The following ACVR1 variants were observed in gnomAD, a reference collection of about 807,000 sequenced individuals.
ACVR1 encodes activin A receptor type 1.
In ACVR1, 38 loss-of-function variants were observed where a neutral mutation model predicts 57.1. That is an observed-to-expected ratio of 0.67 (90% CI 0.51 to 0.87). The LOEUF (loss-of-function observed/expected upper bound fraction) is 0.87. ACVR1 is among the 40% of genes least tolerant of loss of function. The pLI is 0.00. For missense variants in ACVR1, 463 were observed against 638.2 expected (o/e 0.73, Z 2.96); for synonymous variants, 212 against 228.1 (o/e 0.93, Z 0.63).
chr2:157,865,845 T>C (rs1299982656), intron 1 of ACVR1, among the ~76,000 whole-genome samples: 12 of 149,136 alleles, frequency 8.0e-5, no homozygotes, highest in African/African-American at 3.0e-4. Context: ...GATAGATAGA[T>C]AGATAGATAG....
chr2:157,737,529 T>C lies in ACVR1; in HGVS notation c.*2A>G. 1.9e-6 allele frequency: 3 copies of C among 1,613,998 alleles called. No individual in the cohort carries two copies. The highest frequency in any genetic ancestry group is 2.5e-6 in the Non-Finnish European group (3 of 1,179,962). ...ATCTTCCTTCTTGACACTATGAAAA[T>C]GTCAACAGTCAGTTTTCAATTTGTC... On this transcript the variant is annotated 3_prime_UTR_variant, in exon 11 of 11. Transcript: ENST00000434821.
intron 2 of ACVR1, among the ~76,000 whole-genome samples, chr2:157,814,035 G>A (rs1687848344): frequency 1.3e-5 from 2 of 152,238 alleles, no homozygotes; most frequent in Non-Finnish European, 2.9e-5. Context: ...TGTGGAGCAA[G>A]AATTAGGGTC....
At chr2:157,805,426 C>T (rs2105313161) in intron 2 of ACVR1, among the ~76,000 whole-genome samples, 1 of 152,308 alleles carries the variant, frequency 6.6e-6, no homozygotes, top group Non-Finnish European at 1.5e-5. Context: ...ACATCATCCA[C>T]GTGAAGACAC....
At chr2:157,819,003 G>A (rs1359302094) in intron 1 of ACVR1, among the ~76,000 whole-genome samples, 6 of 140,502 alleles carry the variant, frequency 4.3e-5, no homozygotes, top group East Asian at 2.2e-4. Flanking sequence ...GCGTGAACCC[G>A]GGAGGTGGAG....
At chr2:157,873,472 A>ATTCCTAC (rs1350685728) in intron 1 of ACVR1, among the ~76,000 whole-genome samples, 5 of 152,222 alleles carry the variant, frequency 3.3e-5, no homozygotes, top group South Asian at 2.1e-4. Flanking sequence ...CTTCTCCAGA[A>ATTCCTAC]TTCCTACTGA....
intron 2 of ACVR1, among the ~76,000 whole-genome samples, chr2:157,814,287 A>C (rs1477371188): frequency 1.3e-5 from 2 of 152,256 alleles, no homozygotes; most frequent in East Asian, 3.8e-4. Flanking sequence ...TTGATAATAA[A>C]AATCATAACC....
chr2:157,826,945 C>T (rs946459416), intron 1 of ACVR1, among the ~76,000 whole-genome samples: 15 of 147,052 alleles, frequency 1.0e-4, no homozygotes, highest in South Asian at 2.2e-4. Context: ...AAGAGAGAAA[C>T]AGAGAGAAAG....
chr2:157,840,498 T>G (rs1475965375), intron 1 of ACVR1, among the ~76,000 whole-genome samples: 1 of 152,196 alleles, frequency 6.6e-6, no homozygotes, highest in Non-Finnish European at 1.5e-5. Flanking sequence ...CTAGTCCATA[T>G]ACCTTAATGT....
At chr2:157,845,148 A>T (rs1689091493) in intron 1 of ACVR1, among the ~76,000 whole-genome samples, 1 of 152,234 alleles carries the variant, frequency 6.6e-6, no homozygotes, top group South Asian at 2.1e-4. Flanking sequence ...CATGCCAGTC[A>T]TGTCAAGAGG....
chr2:157,808,734 A>G (rs1287095460), intron 2 of ACVR1, among the ~76,000 whole-genome samples: 1 of 152,184 alleles, frequency 6.6e-6, no homozygotes, highest in Non-Finnish European at 1.5e-5. Context: ...GAAGGCTTCT[A>G]ACATTTATTG....
chr2:157,866,444 C>CG (rs568810076), intron 1 of ACVR1, among the ~76,000 whole-genome samples: 2,927 of 151,782 alleles, frequency 0.019, 133 homozygotes, highest in Admixed American at 0.1. Context: ...CCAAGGGAGG[C>CG]GGGGGGGAAA....
At chr2:157,850,112 G>A (rs1281014515) in intron 1 of ACVR1, among the ~76,000 whole-genome samples, 4 of 152,262 alleles carry the variant, frequency 2.6e-5, no homozygotes, top group Non-Finnish European at 4.4e-5. Context: ...TGAGAAGGCC[G>A]GGTGCGGTGG....
At chr2:157,817,386 G>A (rs1369151172) in intron 2 of ACVR1, among the ~76,000 whole-genome samples, 1 of 152,172 alleles carries the variant, frequency 6.6e-6, no homozygotes, top group Non-Finnish European at 1.5e-5. Context: ...GTGGGGATGG[G>A]AAATGAATAG....
intron 3 of ACVR1, among the ~76,000 whole-genome samples, chr2:157,797,714 A>G (rs1188375163): frequency 6.6e-6 from 1 of 152,222 alleles, no homozygotes; most frequent in Non-Finnish European, 1.5e-5. Context: ...GAAAGTAAGT[A>G]AGCAAGGGTC....
At position 157,855,308 on chromosome 2, in the gene ACVR1, GTA is replaced by G. The variant is rs1200907209; in HGVS notation, c.-183+20486_-183+20487del. Among the ~76,000 whole-genome samples, 250 of 51,650 alleles carry G rather than the reference GTA, an allele frequency of 4.8e-3. 2 individuals are homozygous for G. Among genetic ancestry groups the G allele is most frequent in the Middle Eastern group, 0.02 (1 of 50 alleles). 33.9% of individuals were successfully genotyped at this position (51,650 alleles called of 152,430 possible). ...TGTGTGTGTGTGTGTGTGTGTGTGT[GTA>G]TATATATATATATACACACACACAC... On this transcript the variant is annotated intron_variant, in intron 1 of 10. Transcript: ENST00000434821.
At chr2:157,850,567 G>T (rs1172392498) in intron 1 of ACVR1, among the ~76,000 whole-genome samples, 1 of 152,114 alleles carries the variant, frequency 6.6e-6, no homozygotes, top group African/African-American at 2.4e-5. Flanking sequence ...TTCCTAAGCT[G>T]GCAGTTCAAG....
intron 9 of ACVR1, among the ~76,000 whole-genome samples, chr2:157,740,415 C>T (rs1684707658): frequency 6.6e-6 from 1 of 152,118 alleles, no homozygotes. Flanking sequence ...ATTTTCAGTA[C>T]TAACAGACAC....
intron 1 of ACVR1, among the ~76,000 whole-genome samples, chr2:157,856,940 T>G (rs1689555494): frequency 6.6e-6 from 1 of 152,208 alleles, no homozygotes; most frequent in African/African-American, 2.4e-5. Flanking sequence ...GGTTTACGCC[T>G]GTAATCCCAG....
chr2:157,811,076 T>C (rs548155535), intron 2 of ACVR1, among the ~76,000 whole-genome samples: 2 of 152,330 alleles, frequency 1.3e-5, no homozygotes, highest in Admixed American at 1.3e-4. Flanking sequence ...TCACTGATTA[T>C]GTAGGATGTG....
Sources: gnomAD v4.1 joint callset for allele counts (sites outside exome capture counted in the v4.1 genomes callset) on GRCh38, gnomAD v4.1.1 for gene constraint, MANE v1.5 for transcripts, NCBI Gene and HGNC (gene_info 2026-07-23, HGNC 2026-07-21) for gene names.